The following ANO6 variants were observed in gnomAD, a reference collection of about 807,000 sequenced individuals.
ANO6 encodes anoctamin-6.
Under a neutral mutation model 117.5 loss-of-function variants are expected in ANO6, and 106 were observed. The ratio of observed to expected loss-of-function variants is 0.90; its 90% CI spans 0.77 to 1.06. ANO6 has a LOEUF of 1.06. Among genes scored for constraint, ANO6 ranks in the 50% least tolerant of loss-of-function variants. The pLI is 0.00. For synonymous variants in ANO6, 367 were observed against 385.1 expected (o/e 0.95, Z 0.55); for missense variants, 955 against 1,121.1 (o/e 0.85, Z 2.12).
intron 1 of ANO6, among the ~76,000 whole-genome samples, chr12:45,288,116 C>T (rs530085429): frequency 1.3e-5 from 2 of 152,250 alleles, no homozygotes; most frequent in East Asian, 3.9e-4. Flanking sequence ...TGTAGTAGGT[C>T]TCATTCCTGC....
intron 2 of ANO6, among the ~76,000 whole-genome samples, chr12:45,324,675 C>A (rs1374150373): frequency 6.6e-6 from 1 of 152,142 alleles, no homozygotes; most frequent in Non-Finnish European, 1.5e-5. Context: ...AGGAAAAACC[C>A]TTAGATGACT....
chr12:45,416,317 TTC>T (rs1013533458), intron 16 of ANO6, among the ~76,000 whole-genome samples: 8 of 145,630 alleles, frequency 5.5e-5, no homozygotes, highest in African/African-American at 2.1e-4. Flanking sequence ...GCCACAATAT[TTC>T]TTTTTTCTTA....
chr12:45,383,119 C>T (rs964539892), intron 10 of ANO6: 2 of 211,120 alleles, frequency 9.5e-6, no homozygotes, highest in Admixed American at 9.8e-5. Flanking sequence ...TATTCTAAAT[C>T]CTTTGTTGTC....
At chr12:45,403,625 C>A in intron 15 of ANO6, 89 bp downstream of exon 15, 1 of 1,026,606 alleles carries the variant, frequency 9.7e-7, no homozygotes, top group Non-Finnish European at 1.5e-6. Flanking sequence ...AGCCACATAG[C>A]CACATAGCTG....
At chr12:45,248,710 G>A (rs559789571) in intron 1 of ANO6, among the ~76,000 whole-genome samples, 3 of 152,066 alleles carry the variant, frequency 2.0e-5, no homozygotes, top group Non-Finnish European at 2.9e-5. Flanking sequence ...GAGCCTCCAC[G>A]CCTGGCACAA....
At chr12:45,381,292 TTTC>T (rs1282094067) in intron 10 of ANO6, among the ~76,000 whole-genome samples, 2 of 152,204 alleles carry the variant, frequency 1.3e-5, no homozygotes, top group Non-Finnish European at 2.9e-5. Context: ...ACCTTTCTCT[TTTC>T]TTATTATATG....
At chr12:45,362,392 G>A (rs1941578513) in intron 8 of ANO6, among the ~76,000 whole-genome samples, 1 of 151,626 alleles carries the variant, frequency 6.6e-6, no homozygotes, top group Non-Finnish European at 1.5e-5. Flanking sequence ...TTCTTGATCA[G>A]CCTAGCTAAG....
At chr12:45,356,246 C>T (rs1941407886) in intron 7 of ANO6, among the ~76,000 whole-genome samples, 1 of 152,116 alleles carries the variant, frequency 6.6e-6, no homozygotes, top group African/African-American at 2.4e-5. Context: ...ATGGATTCCT[C>T]AATCATATGC....
chr12:45,307,633 A>G (rs1939712054), intron 2 of ANO6, among the ~76,000 whole-genome samples: 1 of 152,138 alleles, frequency 6.6e-6, no homozygotes, highest in Non-Finnish European at 1.5e-5. Flanking sequence ...TTGTCAGCAC[A>G]CAGGTGATGT....
In ANO6 at chr12:45,338,239, T is replaced by A. The variant is rs560563468; in HGVS notation, c.279+6816T>A. 5.9e-5 allele frequency among the ~76,000 whole-genome samples: 9 copies of A among 152,132 alleles called. No individual in the cohort carries two copies. In the East Asian group the frequency reaches 1.2e-3, roughly 20 times the overall value. ...CAACACAGTGTTCTGGTAGGAAAGATCCTCCTGAGAAAAATTTGTCTCATG... is the reference window on the plus strand; with the variant it reads ...CAACACAGTGTTCTGGTAGGAAAGAACCTCCTGAGAAAAATTTGTCTCATG... On this transcript the variant is annotated intron_variant, in intron 3 of 19. Transcript: ENST00000320560.
intron 1 of ANO6, among the ~76,000 whole-genome samples, chr12:45,264,947 T>C (rs1938166845): frequency 6.6e-6 from 1 of 152,214 alleles, no homozygotes; most frequent in Non-Finnish European, 1.5e-5. Context: ...CTGTAGCTTA[T>C]ATTCTCAACA....
At chr12:45,365,703 C>T (rs1455934908) in intron 8 of ANO6, among the ~76,000 whole-genome samples, 11 of 152,098 alleles carry the variant, frequency 7.2e-5, no homozygotes, top group Admixed American at 7.2e-4. Flanking sequence ...TTTAAGGCTA[C>T]CATGAAGCTA....
At chr12:45,355,841 C>T (rs562228630) in intron 7 of ANO6, among the ~76,000 whole-genome samples, 57 of 152,242 alleles carry the variant, frequency 3.7e-4, no homozygotes, top group African/African-American at 1.3e-3. Flanking sequence ...CTGAAGTCTC[C>T]CAGGACTCCA....
At chr12:45,437,940 T>C (rs971338638) in intron 19 of ANO6, among the ~76,000 whole-genome samples, 8 of 152,192 alleles carry the variant, frequency 5.3e-5, no homozygotes, top group African/African-American at 1.9e-4. Flanking sequence ...GAGCTAATCA[T>C]AGCATTTACA....
chr12:45,354,833 A>G (rs2137467116), intron 7 of ANO6, among the ~76,000 whole-genome samples: 1 of 152,342 alleles, frequency 6.6e-6, no homozygotes, highest in Non-Finnish European at 1.5e-5. Context: ...AAGCAAGAAT[A>G]TTAATCTAAC....
chr12:45,366,861 T>C (rs1044734883), intron 8 of ANO6, among the ~76,000 whole-genome samples: 3 of 152,234 alleles, frequency 2.0e-5, no homozygotes, highest in Admixed American at 6.5e-5. Context: ...AAATGGTACT[T>C]TTTAAGAATT....
At chr12:45,409,268 C>A in intron 15 of ANO6, 89 bp from the exon 16 acceptor site, 1 of 1,499,684 alleles carries the variant, frequency 6.7e-7, no homozygotes, top group Non-Finnish European at 9.2e-7. Context: ...GGGAAGATTA[C>A]TTGTGCAGCT....
chr12:45,407,314 A>T (rs1214206721), intron 15 of ANO6, among the ~76,000 whole-genome samples: 2 of 152,174 alleles, frequency 1.3e-5, no homozygotes, highest in Non-Finnish European at 2.9e-5. Flanking sequence ...GCCCAGACAG[A>T]AAAAGACCTG....
At chr12:45,231,032 A>G (rs1479850942) in intron 1 of ANO6, among the ~76,000 whole-genome samples, 3 of 152,190 alleles carry the variant, frequency 2.0e-5, no homozygotes. Context: ...GCTTGAGCCC[A>G]GGAGGCGGAG....
Sources: allele counts gnomAD v4.1 joint callset (sites outside exome capture counted in the v4.1 genomes callset), GRCh38; gene constraint gnomAD v4.1.1; transcripts MANE v1.5; gene names NCBI Gene and HGNC (gene_info 2026-07-23, HGNC 2026-07-21).